The following PTPRD variants were observed in gnomAD, a reference collection of about 807,000 sequenced individuals.
PTPRD encodes the protein protein tyrosine phosphatase receptor type D.
A neutral mutation model predicts 214.5 loss-of-function variants in PTPRD; 34 were observed. That is an observed-to-expected ratio of 0.16 (90% CI 0.12 to 0.21). The LOEUF (loss-of-function observed/expected upper bound fraction) is 0.21, where lower values mean the gene tolerates loss of function less well. Ranked by LOEUF, PTPRD falls within the 10% of genes least tolerant of loss-of-function variation. The pLI is 1.00. For synonymous variants in PTPRD, 1,128 were observed against 845.7 expected (o/e 1.33, Z -5.79); for missense variants, 2,545 against 2,398.7 (o/e 1.06, Z -1.27).
chr9:9,002,182 T>A (rs2099425313), intron 11 of PTPRD, among the ~76,000 whole-genome samples: 1 of 152,004 alleles, frequency 6.6e-6, no homozygotes, highest in Non-Finnish European at 1.5e-5. Context: ...GATATTTATC[T>A]CCAGAGAAAT....
intron 3 of PTPRD, among the ~76,000 whole-genome samples, chr9:10,277,049 C>G (rs189755813): frequency 6.6e-6 from 1 of 152,162 alleles, no homozygotes; most frequent in South Asian, 2.1e-4. Flanking sequence ...TAGCAGAGGG[C>G]TACCCCTCCA....
intron 11 of PTPRD, among the ~76,000 whole-genome samples, chr9:8,850,496 A>G (rs1389077086): frequency 1.3e-5 from 2 of 152,180 alleles, no homozygotes; most frequent in Non-Finnish European, 2.9e-5. Context: ...TTCCAATGGA[A>G]GATGCTTCCA....
At chr9:8,641,645 G>T (rs1349911236) in intron 12 of PTPRD, among the ~76,000 whole-genome samples, 3 of 133,284 alleles carry the variant, frequency 2.3e-5, no homozygotes, top group African/African-American at 1.2e-4. Context: ...TGTCTGCCAG[G>T]CTCGCTTGCC....
chr9:8,493,067 A>C, intron 26 of PTPRD, 88 bp from the exon 27 acceptor site: 2 of 1,073,108 alleles, frequency 1.9e-6, no homozygotes, highest in Non-Finnish European at 2.8e-6. Flanking sequence ...TCATTCTGCA[A>C]ATGCTCGCAC....
At chr9:9,081,682 T>C (rs948835150) in intron 10 of PTPRD, among the ~76,000 whole-genome samples, 6 of 152,118 alleles carry the variant, frequency 3.9e-5, no homozygotes, top group Admixed American at 3.9e-4. Context: ...GGTGCTCCTG[T>C]ATTGGGTGCA....
chr9:9,823,736 G>A (rs546411100), intron 5 of PTPRD, among the ~76,000 whole-genome samples: 1 of 151,996 alleles, frequency 6.6e-6, no homozygotes, highest in Non-Finnish European at 1.5e-5. Context: ...GAATTATAGT[G>A]GGTGATAAAG....
At chr9:10,062,294 A>G (rs1488558485) in intron 3 of PTPRD, among the ~76,000 whole-genome samples, 1 of 152,058 alleles carries the variant, frequency 6.6e-6, no homozygotes, top group African/African-American at 2.4e-5. Flanking sequence ...TAGCCTTTCT[A>G]TGGAGCATTT....
chr9:10,326,715 C>T (rs1400723755), intron 3 of PTPRD, among the ~76,000 whole-genome samples: 3 of 151,426 alleles, frequency 2.0e-5, no homozygotes, highest in Non-Finnish European at 4.4e-5. Flanking sequence ...CAGAAAATGC[C>T]TCTTTCATCC....
chr9:9,464,811 C>T (rs561480775), intron 8 of PTPRD, among the ~76,000 whole-genome samples: 40 of 151,968 alleles, frequency 2.6e-4, no homozygotes, highest in African/African-American at 8.9e-4. Flanking sequence ...GTTTTGTGTC[C>T]TTTCTTACCC....
chr9:10,216,013 T>A (rs1403663099), intron 3 of PTPRD, among the ~76,000 whole-genome samples: 1 of 151,930 alleles, frequency 6.6e-6, no homozygotes, highest in Non-Finnish European at 1.5e-5. Flanking sequence ...TAAGGAAAAG[T>A]GAGAGCATAA....
intron 7 of PTPRD, among the ~76,000 whole-genome samples, chr9:9,649,792 T>A (rs1365229774): frequency 2.0e-5 from 3 of 152,220 alleles, no homozygotes. Flanking sequence ...ATTTTAAATT[T>A]AAGACAAAAC....
At chr9:10,292,686 C>CT (rs372073385) in intron 3 of PTPRD, among the ~76,000 whole-genome samples, 51 of 151,530 alleles carry the variant, frequency 3.4e-4, no homozygotes, top group African/African-American at 7.7e-4. Flanking sequence ...CTTTTTTGTT[C>CT]TTTTTTTTAA....
chr9:8,757,681 TATAC>T (rs1406105227), intron 11 of PTPRD, among the ~76,000 whole-genome samples: 8 of 147,904 alleles, frequency 5.4e-5, no homozygotes, highest in African/African-American at 1.7e-4. Flanking sequence ...CATATATATA[TATAC>T]ATAAAAACAT....
chr9:10,333,163 G>C (rs1272064699), intron 3 of PTPRD, among the ~76,000 whole-genome samples: 1 of 151,754 alleles, frequency 6.6e-6, no homozygotes, highest in Admixed American at 6.6e-5. Context: ...GAGAAACAGA[G>C]GCATGGAAGT....
intron 3 of PTPRD, among the ~76,000 whole-genome samples, chr9:10,144,478 G>C (rs183061636): frequency 2.0e-5 from 3 of 152,028 alleles, no homozygotes; most frequent in African/African-American, 7.2e-5. Context: ...CTCTTAGGTA[G>C]GATGAATATA....
intron 5 of PTPRD, among the ~76,000 whole-genome samples, chr9:9,797,297 G>A (rs1017715027): frequency 3.7e-5 from 2 of 53,774 alleles, no homozygotes; most frequent in African/African-American, 1.5e-4. Context: ...GGGTTTTTTT[G>A]CATGTATTTC....
At chr9:10,140,678 A>G (rs941118326) in intron 3 of PTPRD, among the ~76,000 whole-genome samples, 10 of 152,186 alleles carry the variant, frequency 6.6e-5, no homozygotes, top group African/African-American at 2.2e-4. Flanking sequence ...TACAAGGAGG[A>G]ACTGGTACCA....
At chr9:8,596,969 C>T (rs1021533820) in intron 14 of PTPRD, among the ~76,000 whole-genome samples, 2 of 152,036 alleles carry the variant, frequency 1.3e-5, no homozygotes, top group African/African-American at 4.8e-5. Flanking sequence ...TCCTATATTA[C>T]TGTGCTGTTA....
chr9:8,697,630 C>T (rs1274926417), intron 12 of PTPRD, among the ~76,000 whole-genome samples: 1 of 149,778 alleles, frequency 6.7e-6, no homozygotes, highest in African/African-American at 2.5e-5. Context: ...ACCATGTTGG[C>T]CAGGCTAGTC....
Sources: gnomAD v4.1 joint callset for allele counts (sites outside exome capture counted in the v4.1 genomes callset) on GRCh38, gnomAD v4.1.1 for gene constraint, MANE v1.5 for transcripts, NCBI Gene and HGNC (gene_info 2026-07-23, HGNC 2026-07-21) for gene names.